PSORS1C1: variants seen among roughly 807,000 people sequenced by gnomAD.
PSORS1C1 encodes the protein psoriasis susceptibility 1 candidate 1.
In PSORS1C1, 7 loss-of-function variants were observed where a neutral mutation model predicts 9.4. The observed-to-expected ratio is 0.75, with a 90% CI of 0.42 to 1.40. The LOEUF (loss-of-function observed/expected upper bound fraction) is 1.40, where lower values mean the gene tolerates loss of function less well. Among genes scored for constraint, PSORS1C1 ranks in the 40% most tolerant of loss-of-function variants. PSORS1C1 has a pLI of 0.01. For missense variants in PSORS1C1, 146 were observed against 178.1 expected (o/e 0.82, Z 1.02); for synonymous variants, 63 against 69.4 (o/e 0.91, Z 0.46).
intron 3 of PSORS1C1, chr6:31,137,906 G>T: frequency 1.1e-6 from 1 of 939,980 alleles, no homozygotes; most frequent in Non-Finnish European, 1.5e-6. Flanking sequence ...GAGAGGGCGT[G>T]GGTGCCTGGA....
intron 1 of PSORS1C1, chr6:31,116,580 G>A: frequency 1.9e-6 from 3 of 1,613,866 alleles, no homozygotes; most frequent in Middle Eastern, 3.3e-4. Context: ...TGCCCTCAGA[G>A]ATGGGGGGCC....
At position 31,139,041 on chromosome 6, in the gene PSORS1C1, C is replaced by T; in HGVS notation, c.167+262C>T. On this transcript the variant is annotated intron_variant, in intron 5 of 5. Transcript: ENST00000259881. This position sits in a 1 kb window ranked among gnomAD's most constrained non-coding sequence, Gnocchi z 5.2. ...TTGAGGATCATGGCTATGTACTGGC[C>T]CCCAAAGCTGGGGTGGGCTGAGTCT... The T allele has an allele frequency of 1.9e-6, 3 of 1,613,724 alleles. No individual in the cohort carries two copies. Among genetic ancestry groups the T allele is most frequent in the Non-Finnish European group, 2.5e-6 (3 of 1,179,700 alleles).
chr6:31,138,093 T>G (rs1205517582), intron 3 of PSORS1C1: 2 of 1,585,076 alleles, frequency 1.3e-6, no homozygotes, highest in Admixed American at 1.8e-5. Flanking sequence ...TTGAGGAGGA[T>G]CCGTTCTAGG....
chr6:31,116,276 G>A (rs1257106921), intron 1 of PSORS1C1: 1 of 1,614,150 alleles, frequency 6.2e-7, no homozygotes, highest in Non-Finnish European at 8.5e-7. Context: ...CTGCCACAAG[G>A]CTGAAGGATG....
intron 5 of PSORS1C1, 115 bp downstream of exon 5, chr6:31,138,894 T>C: frequency 2.5e-6 from 4 of 1,599,664 alleles, no homozygotes; most frequent in Non-Finnish European, 3.4e-6. Flanking sequence ...CCCAACCCCA[T>C]GCGTCCAGTT....
At chr6:31,116,028 T>C (rs769638395) in intron 1 of PSORS1C1, 7 of 1,608,070 alleles carry the variant, frequency 4.4e-6, no homozygotes, top group African/African-American at 2.7e-5. Context: ...TGACTTCTTA[T>C]GGACTGTTGA....
chr6:31,120,889 C>T lies in PSORS1C1; in HGVS notation c.-228-4787C>T, dbSNP rs1281498272. Among the ~76,000 whole-genome samples, 13 of 139,002 alleles carry T rather than the reference C, an allele frequency of 9.4e-5. No individual in the cohort carries two copies. In the East Asian group the frequency reaches 1.6e-3, roughly 17 times the overall value. 91.2% of individuals were successfully genotyped at this position (139,002 alleles called of 152,430 possible). ...CACACTTGGGTGCCCGCTCCAGCCC[C>T]ACCCACCCAACCCCAATGAGGTCCC... On this transcript the variant is annotated intron_variant, in intron 1 of 5. Transcript: ENST00000259881.
chr6:31,125,448 G>A (rs1195780496), intron 1 of PSORS1C1, among the ~76,000 whole-genome samples: 2 of 152,142 alleles, frequency 1.3e-5, no homozygotes, highest in African/African-American at 4.8e-5. Flanking sequence ...TGCGGGGAGG[G>A]GTGGACTGAG....
chr6:31,124,019 G>A (rs775935148), intron 1 of PSORS1C1, among the ~76,000 whole-genome samples: 11 of 152,196 alleles, frequency 7.2e-5, no homozygotes, highest in Non-Finnish European at 1.2e-4. Flanking sequence ...AGCGGATGGC[G>A]TGGGTTGGTG....
chr6:31,138,004 T>A (rs780906004), intron 3 of PSORS1C1: 2 of 1,518,372 alleles, frequency 1.3e-6, no homozygotes, highest in Non-Finnish European at 1.8e-6. Flanking sequence ...TGAGGTCGGT[T>A]GTCCACCTCA....
chr6:31,138,506 A>AC, intron 4 of PSORS1C1, 47 bp downstream of exon 4: 1 of 1,607,812 alleles, frequency 6.2e-7, no homozygotes, highest in Non-Finnish European at 8.5e-7. Context: ...ATGAACCCCT[A>AC]CCCCCGATGG....
At position 31,140,092 on chromosome 6, in the gene PSORS1C1, A is replaced by G; in HGVS notation, c.*160A>G. On this transcript the variant is annotated 3_prime_UTR_variant, in exon 6 of 6. Transcript: ENST00000259881. This position sits in a 1 kb window ranked among gnomAD's most constrained non-coding sequence, Gnocchi z 4.6. ...ACAGTAAGGAACACCTTATTATGCA[A>G]TGGCGTGATCTCATCTGTTCCCTCC... The G allele has an allele frequency of 1.5e-6, 1 of 685,738 alleles. No individual in the cohort carries two copies. The highest frequency in any genetic ancestry group is 2.8e-4 in the Middle Eastern group (1 of 3,596). The allele number at this position is 685,738 out of a possible 1,614,324, so 42.5% of individuals were successfully genotyped here.
intron 3 of PSORS1C1, among the ~76,000 whole-genome samples, chr6:31,131,826 A>T (rs770507846): frequency 6.6e-6 from 1 of 152,260 alleles, no homozygotes; most frequent in Non-Finnish European, 1.5e-5. Flanking sequence ...ATTTACCAAC[A>T]GTGCCCTATG....
At chr6:31,120,541 G>T in intron 1 of PSORS1C1, 1 of 872,234 alleles carries the variant, frequency 1.1e-6, no homozygotes, top group Non-Finnish European at 1.9e-6. Flanking sequence ...GAGGGGGTGG[G>T]TGCCCCAGGG....
intron 1 of PSORS1C1, among the ~76,000 whole-genome samples, chr6:31,121,014 C>T (rs1170943144): frequency 6.6e-6 from 1 of 151,944 alleles, no homozygotes; most frequent in Non-Finnish European, 1.5e-5. Context: ...CAGGCTCCCC[C>T]TCCCACCACT....
intron 5 of PSORS1C1, 198 bp downstream of exon 5, chr6:31,138,977 G>A: frequency 6.2e-7 from 1 of 1,613,986 alleles, no homozygotes; most frequent in Non-Finnish European, 8.5e-7. Flanking sequence ...CTCACCTCTG[G>A]TGTGCAGGCA....
intron 3 of PSORS1C1, among the ~76,000 whole-genome samples, chr6:31,134,041 C>T (rs946044475): frequency 1.3e-5 from 2 of 152,116 alleles, no homozygotes; most frequent in African/African-American, 2.4e-5. Context: ...TGCAGTGGCA[C>T]GATCTTGGCT....
rs372401778 is a variant in PSORS1C1 at position 31,133,043 on chromosome 6, G to A, written c.13+3398G>A. On this transcript the variant is annotated intron_variant, in intron 3 of 5. Transcript: ENST00000259881. ...GGTGGTGGCATGTGAGGATGTGGGA[G>A]AGAAAAATTTCCAAGTGCTTCCAGC... 6.1e-4 allele frequency among the ~76,000 whole-genome samples: 93 copies of A among 152,130 alleles called. No individual in the cohort carries two copies. The East Asian group carries it at 7.9e-3, about 13-fold the overall frequency.
At chr6:31,126,392 C>T (rs1772680301) in intron 2 of PSORS1C1, among the ~76,000 whole-genome samples, 1 of 152,158 alleles carries the variant, frequency 6.6e-6, no homozygotes, top group African/African-American at 2.4e-5. Context: ...TGTTAGGTGC[C>T]CCCACTGCAG....
Sources: allele counts gnomAD v4.1 joint callset (sites outside exome capture counted in the v4.1 genomes callset), GRCh38; gene constraint gnomAD v4.1.1; non-coding constraint Gnocchi (gnomAD v3.1); transcripts MANE v1.5; gene names NCBI Gene and HGNC (gene_info 2026-07-23, HGNC 2026-07-21).